LRRTM4: variants seen among roughly 807,000 people sequenced by gnomAD.
LRRTM4 encodes leucine-rich repeat transmembrane neuronal protein 4.
Under a neutral mutation model 47.6 loss-of-function variants are expected in LRRTM4, and 25 were observed. The observed-to-expected ratio is 0.53, with a 90% CI of 0.38 to 0.73. The LOEUF (loss-of-function observed/expected upper bound fraction) is 0.73. Ranked by LOEUF, LRRTM4 falls within the 30% of genes least tolerant of loss-of-function variation. LRRTM4 has a pLI of 0.00. For missense variants in LRRTM4, 638 were observed against 713.4 expected (o/e 0.89, Z 1.20); for synonymous variants, 311 against 269.5 (o/e 1.15, Z -1.51).
chr2:77,277,142 C>T (rs1166594530), intron 3 of LRRTM4, among the ~76,000 whole-genome samples: 1 of 152,000 alleles, frequency 6.6e-6, no homozygotes, highest in Non-Finnish European at 1.5e-5. Flanking sequence ...TAATGTGCCA[C>T]ATACCTCGTT....
chr2:77,179,224 C>T (rs1319661276), intron 3 of LRRTM4, among the ~76,000 whole-genome samples: 1 of 152,112 alleles, frequency 6.6e-6, no homozygotes, highest in Non-Finnish European at 1.5e-5. Context: ...GCCTAAAACT[C>T]TTACTATTTT....
chr2:76,760,723 G>A (rs747388698), intron 3 of LRRTM4, among the ~76,000 whole-genome samples: 1 of 151,944 alleles, frequency 6.6e-6, no homozygotes, highest in Non-Finnish European at 1.5e-5. Flanking sequence ...CACTGACTTA[G>A]CGTTTTGCAA....
intron 3 of LRRTM4, among the ~76,000 whole-genome samples, chr2:77,063,860 G>A (rs902570081): frequency 2.6e-5 from 4 of 151,902 alleles, no homozygotes; most frequent in Non-Finnish European, 5.9e-5. Flanking sequence ...AATTGAGCAG[G>A]CTACTGTTCT....
chr2:76,780,827 G>C (rs1674337866), intron 3 of LRRTM4, among the ~76,000 whole-genome samples: 1 of 151,902 alleles, frequency 6.6e-6, no homozygotes, highest in Non-Finnish European at 1.5e-5. Context: ...TGGAGGAGGA[G>C]AGGTGCTCTG....
At chr2:77,155,976 T>G (rs1478127353) in intron 3 of LRRTM4, among the ~76,000 whole-genome samples, 1 of 152,166 alleles carries the variant, frequency 6.6e-6, no homozygotes, top group Non-Finnish European at 1.5e-5. Flanking sequence ...AACATAGGTA[T>G]GTGCTGAAAC....
intron 3 of LRRTM4, among the ~76,000 whole-genome samples, chr2:76,988,342 C>T (rs1353405274): frequency 1.3e-5 from 2 of 151,826 alleles, no homozygotes; most frequent in Admixed American, 6.6e-5. Flanking sequence ...TCTACCAAAA[C>T]ATGGTACATG....
intron 3 of LRRTM4, among the ~76,000 whole-genome samples, chr2:77,102,470 T>C (rs1166701034): frequency 2.0e-5 from 3 of 152,228 alleles, no homozygotes; most frequent in African/African-American, 7.2e-5. Context: ...GATTCCCTTG[T>C]TGAAAACATT....
chr2:77,521,563 G>T, intron 2 of LRRTM4, 105 bp downstream of exon 2: 1 of 1,311,916 alleles, frequency 7.6e-7, no homozygotes, highest in Non-Finnish European at 1.1e-6. Flanking sequence ...AAAGGCTGCT[G>T]CTCTTTGCCT....
At chr2:76,758,354 G>A (rs547234227) in intron 3 of LRRTM4, among the ~76,000 whole-genome samples, 2 of 152,256 alleles carry the variant, frequency 1.3e-5, no homozygotes, top group East Asian at 3.9e-4. Flanking sequence ...AAGCAGAATT[G>A]CATATCCCAT....
chr2:76,818,841 A>G (rs1450894380), intron 3 of LRRTM4, among the ~76,000 whole-genome samples: 1 of 151,828 alleles, frequency 6.6e-6, no homozygotes, highest in Non-Finnish European at 1.5e-5. Flanking sequence ...AAATAATCAC[A>G]TAAACTACCT....
At chr2:77,050,920 T>C (rs1012084275) in intron 3 of LRRTM4, among the ~76,000 whole-genome samples, 1 of 152,046 alleles carries the variant, frequency 6.6e-6, no homozygotes, top group Non-Finnish European at 1.5e-5. Flanking sequence ...AGTCATATAC[T>C]CTCTAAGTAA....
At chr2:76,866,266 G>A (rs1290342166) in intron 3 of LRRTM4, among the ~76,000 whole-genome samples, 1 of 152,164 alleles carries the variant, frequency 6.6e-6, no homozygotes, top group African/African-American at 2.4e-5. Context: ...CACTTTCACT[G>A]GGGAACGATC....
At chr2:77,012,567 C>A (rs546620535) in intron 3 of LRRTM4, among the ~76,000 whole-genome samples, 1 of 152,236 alleles carries the variant, frequency 6.6e-6, no homozygotes, top group African/African-American at 2.4e-5. Flanking sequence ...GATCTCATTG[C>A]ACGTTAAAGT....
intron 3 of LRRTM4, among the ~76,000 whole-genome samples, chr2:76,918,595 G>C (rs572435314): frequency 6.6e-6 from 1 of 151,960 alleles, no homozygotes; most frequent in Non-Finnish European, 1.5e-5. Flanking sequence ...AAATGAGAGG[G>C]GGAAAATTTA....
At chr2:77,110,521 A>G (rs1342964186) in intron 3 of LRRTM4, among the ~76,000 whole-genome samples, 1 of 152,258 alleles carries the variant, frequency 6.6e-6, no homozygotes, top group South Asian at 2.1e-4. Flanking sequence ...ATGGATTTTT[A>G]CTTTATCTTT....
intron 3 of LRRTM4, among the ~76,000 whole-genome samples, chr2:76,892,199 T>A (rs1238464883): frequency 1.3e-5 from 2 of 151,542 alleles, no homozygotes; most frequent in African/African-American, 4.8e-5. Flanking sequence ...TCTCTCAAAA[T>A]AGAAATGGTT....
chr2:77,354,636 G>A (rs894358158), intron 3 of LRRTM4, among the ~76,000 whole-genome samples: 7 of 152,088 alleles, frequency 4.6e-5, no homozygotes, highest in Non-Finnish European at 7.4e-5. Flanking sequence ...GACAGCACTC[G>A]TGATTTCAGG....
intron 3 of LRRTM4, among the ~76,000 whole-genome samples, chr2:76,761,737 A>G (rs1005193364): frequency 1.3e-5 from 2 of 152,208 alleles, no homozygotes; most frequent in African/African-American, 4.8e-5. Flanking sequence ...AAACCTCCCA[A>G]TTATTTCCAT....
chr2:77,203,821 T>C (rs981262252), intron 3 of LRRTM4, among the ~76,000 whole-genome samples: 3 of 152,102 alleles, frequency 2.0e-5, no homozygotes, highest in African/African-American at 4.8e-5. Flanking sequence ...TATTGCAAGG[T>C]TAAGTTAAAG....
Sources: gnomAD v4.1 joint callset for allele counts (sites outside exome capture counted in the v4.1 genomes callset) on GRCh38, gnomAD v4.1.1 for gene constraint, MANE v1.5 for transcripts, NCBI Gene and HGNC (gene_info 2026-07-23, HGNC 2026-07-21) for gene names.